The following BCKDHB variants were observed in gnomAD, a reference collection of about 807,000 sequenced individuals.
BCKDHB encodes the protein branched chain keto acid dehydrogenase E1 subunit beta, also known as 2-oxoisovalerate dehydrogenase subunit beta, mitochondrial.
In BCKDHB, 41 loss-of-function variants were observed where a neutral mutation model predicts 48.5. That is an observed-to-expected ratio of 0.85 (90% CI 0.66 to 1.10). The LOEUF (loss-of-function observed/expected upper bound fraction) is 1.10. Ranked by LOEUF, BCKDHB falls within the 50% of genes least tolerant of loss-of-function variation. The probability of loss-of-function intolerance (pLI) is 0.00; values close to 1 mark genes in which losing one functional copy is unlikely to be tolerated. For synonymous variants in BCKDHB, 201 were observed against 174.8 expected (o/e 1.15, Z -1.18); for missense variants, 496 against 494.2 (o/e 1.00, Z -0.03).
chr6:80,363,127 C>A, the BCKDHB span, among the ~76,000 whole-genome samples: 4 of 152,124 alleles, frequency 2.6e-5, no homozygotes, highest in African/African-American at 4.8e-5. Context: ...TAAAGTCAGA[C>A]AAGATGCCCC....
chr6:80,462,215 G>A, the BCKDHB span, among the ~76,000 whole-genome samples: 6 of 152,000 alleles, frequency 3.9e-5, no homozygotes, highest in Admixed American at 6.6e-5. Context: ...TATATTTCAT[G>A]ATACTTATGA....
intron 6 of BCKDHB, among the ~76,000 whole-genome samples, chr6:80,190,067 T>C (rs1037678875): frequency 2.6e-5 from 4 of 152,136 alleles, no homozygotes; most frequent in African/African-American, 7.2e-5. Flanking sequence ...GGAGGAGTGA[T>C]ATATAGTAAT....
chr6:80,241,557 C>G (rs1193232216), intron 8 of BCKDHB, among the ~76,000 whole-genome samples: 1 of 152,184 alleles, frequency 6.6e-6, no homozygotes, highest in East Asian at 1.9e-4. Context: ...ACTCCAGACC[C>G]TGTTTGCCTG....
chr6:80,276,903 G>A (rs2127969901), intron 9 of BCKDHB, among the ~76,000 whole-genome samples: 1 of 152,080 alleles, frequency 6.6e-6, no homozygotes, highest in Admixed American at 6.5e-5. Flanking sequence ...TTTACGAAGT[G>A]CTTTATATTT....
chr6:80,393,873 T>A, the BCKDHB span, among the ~76,000 whole-genome samples: 1 of 152,170 alleles, frequency 6.6e-6, no homozygotes, highest in African/African-American at 2.4e-5. Context: ...ATTTTCCAGG[T>A]GCTTCCTGAG....
At chr6:80,219,497 G>C (rs757276292) in intron 8 of BCKDHB, among the ~76,000 whole-genome samples, 32 of 152,040 alleles carry the variant, frequency 2.1e-4, no homozygotes, top group Non-Finnish European at 4.4e-4. Context: ...ATAAGCCACC[G>C]CACCCAGGGT....
intron 9 of BCKDHB, among the ~76,000 whole-genome samples, chr6:80,282,725 T>C (rs1285078306): frequency 6.6e-6 from 1 of 152,068 alleles, no homozygotes; most frequent in Admixed American, 6.5e-5. Context: ...CATCTAGGCA[T>C]AGGAAAAGAA....
At chr6:80,300,225 T>C (rs1230513211) in intron 9 of BCKDHB, among the ~76,000 whole-genome samples, 2 of 152,056 alleles carry the variant, frequency 1.3e-5, no homozygotes, top group East Asian at 3.9e-4. Context: ...TAATTTTAGT[T>C]GTTTTTAGTA....
intron 3 of BCKDHB, among the ~76,000 whole-genome samples, chr6:80,140,598 G>A (rs1562080960): frequency 2.0e-5 from 3 of 151,698 alleles, no homozygotes; most frequent in African/African-American, 7.3e-5. Flanking sequence ...TTATATGCTG[G>A]ATTACATTTA....
chr6:80,399,059 A>T, the BCKDHB span, among the ~76,000 whole-genome samples: 1 of 152,154 alleles, frequency 6.6e-6, no homozygotes, highest in Admixed American at 6.6e-5. Context: ...TCAACACCTC[A>T]TCCTGTTAAA....
chr6:80,189,431 C>T (rs1458675481), intron 6 of BCKDHB, among the ~76,000 whole-genome samples: 1 of 152,100 alleles, frequency 6.6e-6, no homozygotes, highest in African/African-American at 2.4e-5. Flanking sequence ...AATAAGAATT[C>T]TAATAATATA....
chr6:80,422,547 C>T, the BCKDHB span, among the ~76,000 whole-genome samples: 168 of 152,328 alleles, frequency 1.1e-3, 3 homozygotes, highest in East Asian at 0.025. Flanking sequence ...AACACAGACA[C>T]TCAATGTCAG....
chr6:80,176,661 A>G (rs1257608956), intron 6 of BCKDHB, among the ~76,000 whole-genome samples: 2 of 152,174 alleles, frequency 1.3e-5, no homozygotes, highest in Non-Finnish European at 2.9e-5. Context: ...GATGAACCTT[A>G]CACAGGATTA....
chr6:80,208,399 A>G (rs906177941), intron 8 of BCKDHB, among the ~76,000 whole-genome samples: 1 of 151,784 alleles, frequency 6.6e-6, no homozygotes, highest in Non-Finnish European at 1.5e-5. Flanking sequence ...TAAAAAAATT[A>G]ATGATCTGAA....
chr6:80,412,189 G>T, the BCKDHB span, among the ~76,000 whole-genome samples: 5,262 of 149,020 alleles, frequency 0.035, 236 homozygotes, highest in African/African-American at 0.11. Context: ...TGTCACCCAG[G>T]CTGGAGTGCA....
the BCKDHB span, among the ~76,000 whole-genome samples, chr6:80,437,172 T>C: frequency 6.6e-6 from 1 of 152,186 alleles, no homozygotes; most frequent in Non-Finnish European, 1.5e-5. Context: ...GTTCATCTTA[T>C]AGACTTCCCA....
At chr6:80,431,993 T>C in the BCKDHB span, among the ~76,000 whole-genome samples, 1 of 151,942 alleles carries the variant, frequency 6.6e-6, no homozygotes, top group African/African-American at 2.4e-5. Context: ...TTGAAAATTA[T>C]ATTCTTTAAG....
chr6:80,452,541 T>C, the BCKDHB span, among the ~76,000 whole-genome samples: 1 of 152,186 alleles, frequency 6.6e-6, no homozygotes, highest in Non-Finnish European at 1.5e-5. Context: ...AAATGCATAA[T>C]ATACCAGAAA....
intron 9 of BCKDHB, among the ~76,000 whole-genome samples, chr6:80,285,476 A>C (rs678079): frequency 0.8 from 121,294 of 151,964 alleles, 48,589 homozygotes; most frequent in Admixed American, 0.87. Context: ...TCATGGGAGC[A>C]ACAGTAGCAT....
Sources: allele counts gnomAD v4.1 joint callset (sites outside exome capture counted in the v4.1 genomes callset), GRCh38; gene constraint gnomAD v4.1.1; transcripts MANE v1.5; gene names NCBI Gene and HGNC (gene_info 2026-07-23, HGNC 2026-07-21).